The following ST8SIA5 variants were observed in gnomAD, a reference collection of about 807,000 sequenced individuals.
ST8SIA5 encodes alpha-2,8-sialyltransferase 8E.
ST8SIA5 carries 24 observed loss-of-function variants against 40.2 expected under a neutral mutation model. That is an observed-to-expected ratio of 0.60 (90% CI 0.43 to 0.84). ST8SIA5 has a LOEUF of 0.84. Among genes scored for constraint, ST8SIA5 ranks in the 40% least tolerant of loss-of-function variants. The probability of loss-of-function intolerance (pLI) is 0.00; values close to 1 mark genes in which losing one functional copy is unlikely to be tolerated. For missense variants in ST8SIA5, 465 were observed against 498.5 expected (o/e 0.93, Z 0.64); for synonymous variants, 198 against 201.8 (o/e 0.98, Z 0.16).
chr18:46,728,445 G>C (rs548018025), intron 1 of ST8SIA5, among the ~76,000 whole-genome samples: 56 of 152,322 alleles, frequency 3.7e-4, no homozygotes, highest in Middle Eastern at 3.4e-3. Context: ...AAGCATCCGC[G>C]AGTGCCCACT....
chr18:46,695,105 G>A (rs557103800), intron 2 of ST8SIA5, among the ~76,000 whole-genome samples: 1 of 150,632 alleles, frequency 6.6e-6, no homozygotes, highest in African/African-American at 2.4e-5. Context: ...GTTGCAATGA[G>A]CCGAGATTGT....
At chr18:46,681,113 A>C (rs1191337531) in intron 6 of ST8SIA5, among the ~76,000 whole-genome samples, 1 of 151,376 alleles carries the variant, frequency 6.6e-6, no homozygotes, top group African/African-American at 2.4e-5. Flanking sequence ...CTGAGACTAC[A>C]GGTGTGCACC....
chr18:46,697,266 C>T (rs1466669639), intron 2 of ST8SIA5, among the ~76,000 whole-genome samples: 1 of 152,042 alleles, frequency 6.6e-6, no homozygotes, highest in Non-Finnish European at 1.5e-5. Context: ...GGATAGATAG[C>T]CAAGGGTCAC....
At chr18:46,697,411 C>T (rs1432051989) in intron 2 of ST8SIA5, among the ~76,000 whole-genome samples, 1 of 152,064 alleles carries the variant, frequency 6.6e-6, no homozygotes, top group Non-Finnish European at 1.5e-5. Flanking sequence ...GGGAGGGGTT[C>T]ACCAGAAGAG....
intron 1 of ST8SIA5, among the ~76,000 whole-genome samples, chr18:46,741,546 A>G (rs2040086528): frequency 6.6e-6 from 1 of 152,220 alleles, no homozygotes; most frequent in South Asian, 2.1e-4. Context: ...ACTGATTTTA[A>G]AACCAGGCAA....
At chr18:46,750,939 A>T (rs1186431814) in intron 1 of ST8SIA5, among the ~76,000 whole-genome samples, 1 of 152,168 alleles carries the variant, frequency 6.6e-6, no homozygotes, top group Admixed American at 6.5e-5. Flanking sequence ...TTGCTCTCAG[A>T]TTTTTTTAAT....
chr18:46,692,087 C>A, intron 3 of ST8SIA5, 82 bp downstream of exon 3: 2 of 1,462,780 alleles, frequency 1.4e-6, no homozygotes, highest in Non-Finnish European at 1.9e-6. Context: ...AGAGCTGGGC[C>A]TTGCAGGACA....
chr18:46,756,494 G>A lies in ST8SIA5; in HGVS notation c.15C>T (p.Asp5=). Residue 5 remains aspartate, a synonymous_variant, in exon 1 of 7, where the codon GAC becomes GAT. Transcript: ENST00000315087. MRYA[D]PSANRDLLGS... ...CCAACAAATCCCGGTTGGCCGAGGGGTCCGCGTAGCGCATCCTGGCTACCG... is the reference window on the plus strand; with the variant it reads ...CCAACAAATCCCGGTTGGCCGAGGGATCCGCGTAGCGCATCCTGGCTACCG... 6.2e-7 allele frequency: 1 copy of A among 1,612,808 alleles called. No homozygotes were observed. The highest frequency in any genetic ancestry group is 1.1e-5 in the South Asian group (1 of 91,020).
chr18:46,739,910 T>G (rs2040072195), intron 1 of ST8SIA5, among the ~76,000 whole-genome samples: 1 of 152,106 alleles, frequency 6.6e-6, no homozygotes, highest in African/African-American at 2.4e-5. Context: ...TCTGGGCAAG[T>G]ATGAAGAGAC....
chr18:46,705,624 C>T (rs1308525804), intron 1 of ST8SIA5, among the ~76,000 whole-genome samples: 1 of 152,250 alleles, frequency 6.6e-6, no homozygotes, highest in African/African-American at 2.4e-5. Flanking sequence ...CTGGAAAGGG[C>T]CCTCTGGCCT....
intron 1 of ST8SIA5, among the ~76,000 whole-genome samples, chr18:46,754,667 A>T (rs923594705): frequency 1.3e-5 from 2 of 152,008 alleles, no homozygotes; most frequent in African/African-American, 4.8e-5. Flanking sequence ...TGCCTGCTGA[A>T]CTCCTGGCAG....
intron 1 of ST8SIA5, among the ~76,000 whole-genome samples, chr18:46,717,727 A>G (rs1001859371): frequency 3.3e-5 from 5 of 152,230 alleles, no homozygotes; most frequent in East Asian, 1.9e-4. Context: ...AGACAGTGCC[A>G]GGAGACAAGG....
intron 1 of ST8SIA5, chr18:46,730,261 A>G (rs1000883286): frequency 2.0e-6 from 2 of 985,186 alleles, no homozygotes; most frequent in African/African-American, 3.5e-5. Flanking sequence ...GCATTCCACC[A>G]TTCACTAGCA....
At chr18:46,704,527 CA>C in intron 2 of ST8SIA5, 44 bp downstream of exon 2, 5 of 1,551,176 alleles carry the variant, frequency 3.2e-6, no homozygotes, top group South Asian at 1.1e-5. Flanking sequence ...ACCCCTGCCC[CA>C]CCTCCACATG....
At chr18:46,688,614 G>A (rs1216489536) in intron 4 of ST8SIA5, among the ~76,000 whole-genome samples, 161 bp downstream of exon 4, 2 of 152,200 alleles carry the variant, frequency 1.3e-5, no homozygotes, top group Non-Finnish European at 2.9e-5. Flanking sequence ...AATCCAGAGG[G>A]TGGGCTTCTG....
chr18:46,713,449 T>C (rs760648729), intron 1 of ST8SIA5, among the ~76,000 whole-genome samples: 1 of 152,114 alleles, frequency 6.6e-6, no homozygotes, highest in Non-Finnish European at 1.5e-5. Flanking sequence ...TGCACATGGC[T>C]GAGGCCCAGT....
chr18:46,688,787 G>T lies in ST8SIA5; in HGVS notation c.444C>A (p.Arg148=), dbSNP rs140716616. 3 of 1,613,240 alleles carry T rather than the reference G, an allele frequency of 1.9e-6. No homozygotes were observed. In the African/African-American group the frequency reaches 4.0e-5, roughly 22 times the overall value. The part of the protein sequence containing the change: ...GIYHINQEIF[R]MFPKDMPYYR... ...CCCAAAGCAGCACCTTGGGAAACAT[G>T]CGGAAGATCTCCTGGTTGATGTGGT... The change falls in exon 4 of 7, where the codon CGC becomes CGA. Residue 148 remains arginine, a synonymous_variant. Coordinates refer to ENST00000315087, the MANE Select transcript of ST8SIA5 (RefSeq NM_013305.6).
intron 3 of ST8SIA5, chr18:46,691,926 C>T: frequency 1.9e-6 from 1 of 525,898 alleles, no homozygotes; most frequent in South Asian, 2.0e-5. Context: ...CACCACCAAC[C>T]TCACAAGGCT....
chr18:46,706,900 CA>C (rs2039675364), intron 1 of ST8SIA5, among the ~76,000 whole-genome samples: 1 of 152,152 alleles, frequency 6.6e-6, no homozygotes, highest in South Asian at 2.1e-4. Context: ...ACGGTGGCCC[CA>C]TTTCACTGCA....
Sources: gnomAD v4.1 joint callset for allele counts (sites outside exome capture counted in the v4.1 genomes callset) on GRCh38, gnomAD v4.1.1 for gene constraint, MANE v1.5 for transcripts, NCBI Gene and HGNC (gene_info 2026-07-23, HGNC 2026-07-21) for gene names.